CDC42SE2: variants seen among roughly 807,000 people sequenced by gnomAD.
CDC42SE2 encodes the protein CDC42 small effector protein 2.
Under a neutral mutation model 11.5 loss-of-function variants are expected in CDC42SE2, and 3 were observed. The ratio of observed to expected loss-of-function variants is 0.26; its 90% CI spans 0.12 to 0.67. The LOEUF is 0.67. Among genes scored for constraint, CDC42SE2 ranks in the 30% least tolerant of loss-of-function variants. The pLI is 0.80. For missense variants in CDC42SE2, 82 were observed against 106.8 expected (o/e 0.77, Z 1.02); for synonymous variants, 33 against 34.8 (o/e 0.95, Z 0.18).
intron 2 of CDC42SE2, among the ~76,000 whole-genome samples, chr5:131,326,998 C>G (rs1758313848): frequency 1.3e-5 from 2 of 152,100 alleles, no homozygotes; most frequent in South Asian, 4.1e-4. Flanking sequence ...TCATATTGCT[C>G]TGTCATTTTT....
At position 131,392,549 on chromosome 5, in the gene CDC42SE2, A is replaced by AAAG. The variant is rs765395436; in HGVS notation, c.*1461_*1463dup. 1.3e-5 allele frequency: 2 copies of AAAG among 152,308 alleles called. No homozygotes were observed. The highest frequency in any genetic ancestry group is 2.9e-5 in the Non-Finnish European group (2 of 68,028). 9.4% of individuals were successfully genotyped at this position (152,308 alleles called of 1,614,324 possible). On this transcript the variant is annotated 3_prime_UTR_variant, in exon 5 of 5. Coordinates refer to ENST00000505065, the MANE Select transcript of CDC42SE2 (RefSeq NM_001375635.1). ...TGATTGATTGATTAGAATTGCAATAAAAGAAAAGCTTGCATTCATAAGGCA... is the reference window on the plus strand; with the variant it reads ...TGATTGATTGATTAGAATTGCAATAAAAGAAGAAAAGCTTGCATTCATAAGGCA...
At chr5:131,368,730 T>A (rs1749932422) in intron 3 of CDC42SE2, among the ~76,000 whole-genome samples, 1 of 152,196 alleles carries the variant, frequency 6.6e-6, no homozygotes, top group Non-Finnish European at 1.5e-5. Flanking sequence ...ACTTTAATTC[T>A]TGTCTAATCT....
intron 1 of CDC42SE2, among the ~76,000 whole-genome samples, chr5:131,284,655 G>A (rs1757304985): frequency 6.6e-6 from 1 of 151,826 alleles, no homozygotes; most frequent in East Asian, 1.9e-4. Flanking sequence ...ATTTTTTTTG[G>A]TAGAGATAGG....
intron 2 of CDC42SE2, among the ~76,000 whole-genome samples, chr5:131,333,181 C>T (rs949975854): frequency 1.3e-5 from 2 of 152,102 alleles, no homozygotes; most frequent in African/African-American, 4.8e-5. Context: ...CAGCTTTCTA[C>T]GTATGGGTAG....
At chr5:131,319,342 C>T (rs548604588) in intron 2 of CDC42SE2, among the ~76,000 whole-genome samples, 2 of 152,194 alleles carry the variant, frequency 1.3e-5, no homozygotes, top group East Asian at 1.9e-4. Flanking sequence ...GTTTTCTTAC[C>T]CTAGGGCCAT....
At chr5:131,334,512 A>G (rs565270399) in intron 2 of CDC42SE2, among the ~76,000 whole-genome samples, 12 of 151,920 alleles carry the variant, frequency 7.9e-5, no homozygotes, top group East Asian at 3.9e-4. Flanking sequence ...CTCTTTTTCT[A>G]TTGATTGGAA....
chr5:131,290,984 A>G (rs1757446795), intron 1 of CDC42SE2, among the ~76,000 whole-genome samples: 1 of 152,194 alleles, frequency 6.6e-6, no homozygotes, highest in African/African-American at 2.4e-5. Flanking sequence ...CCTTAAAAAT[A>G]CTAGGAGAAA....
At chr5:131,276,902 A>AT (rs1438453612) in intron 1 of CDC42SE2, among the ~76,000 whole-genome samples, 90 of 149,726 alleles carry the variant, frequency 6.0e-4, no homozygotes, top group Middle Eastern at 3.4e-3. Flanking sequence ...TAATTTTTTT[A>AT]TTTTTTTTTG....
At chr5:131,385,846 G>C (rs1750465345) in intron 4 of CDC42SE2, among the ~76,000 whole-genome samples, 1 of 152,168 alleles carries the variant, frequency 6.6e-6, no homozygotes, top group African/African-American at 2.4e-5. Context: ...TTAGGTATTT[G>C]TTTCTGTTTC....
At chr5:131,387,013 G>T (rs1259522179) in intron 4 of CDC42SE2, among the ~76,000 whole-genome samples, 3 of 152,202 alleles carry the variant, frequency 2.0e-5, no homozygotes, top group African/African-American at 7.2e-5. Context: ...CGTAGGAAAA[G>T]TACTTTGTTT....
At chr5:131,284,965 G>A (rs941070476) in intron 1 of CDC42SE2, among the ~76,000 whole-genome samples, 14 of 151,768 alleles carry the variant, frequency 9.2e-5, no homozygotes, top group Non-Finnish European at 1.5e-5. Flanking sequence ...GTCTAGCCTG[G>A]ACAACATAAT....
intron 1 of CDC42SE2, among the ~76,000 whole-genome samples, chr5:131,299,719 T>C (rs571127446): frequency 5.3e-5 from 8 of 152,256 alleles, no homozygotes; most frequent in Non-Finnish European, 1.0e-4. Flanking sequence ...AAATGTAGAT[T>C]TGGCGATCAG....
intron 1 of CDC42SE2, among the ~76,000 whole-genome samples, chr5:131,303,940 A>G (rs376476979): frequency 1.9e-4 from 29 of 151,914 alleles, no homozygotes; most frequent in African/African-American, 7.0e-4. Context: ...TGGAGTGTAC[A>G]CTTTGGCTTC....
upstream of CDC42SE2, among the ~76,000 whole-genome samples, chr5:131,263,005 T>G (rs1221090014): frequency 3.3e-5 from 5 of 150,992 alleles, no homozygotes; most frequent in African/African-American, 1.2e-4. Flanking sequence ...CAAGCTGGAG[T>G]GCAGTGGCCT....
chr5:131,268,268 C>T (rs1452553747), intron 1 of CDC42SE2, among the ~76,000 whole-genome samples: 1 of 151,342 alleles, frequency 6.6e-6, no homozygotes, highest in Non-Finnish European at 1.5e-5. Context: ...TCTCCATGGT[C>T]ATCAGGCTGA....
At chr5:131,319,935 C>T (rs1758125613) in intron 2 of CDC42SE2, among the ~76,000 whole-genome samples, 1 of 151,000 alleles carries the variant, frequency 6.6e-6, no homozygotes. Flanking sequence ...CCTGTAGTTC[C>T]AGCTACTCGG....
At position 131,388,706 on chromosome 5, in the gene CDC42SE2, GTTAC is replaced by G. The variant is rs1049477391; in HGVS notation, c.157-2283_157-2280del. 1.1e-3 allele frequency among the ~76,000 whole-genome samples: 172 copies of G among 152,244 alleles called. 1 individual carries two copies. The highest frequency in any genetic ancestry group is 3.7e-3 in the African/African-American group (152 of 41,534). On this transcript the variant is annotated intron_variant, in intron 4 of 4. Coordinates refer to ENST00000505065, the MANE Select transcript of CDC42SE2 (RefSeq NM_001375635.1). ...CAACACTGAAAGATTACTTATTAAA[GTTAC>G]TTAATAAAGGTTACTTAAGATAAAC...
At chr5:131,218,877 G>A in the CDC42SE2 span, among the ~76,000 whole-genome samples, 1 of 152,098 alleles carries the variant, frequency 6.6e-6, no homozygotes, top group African/African-American at 2.4e-5. Flanking sequence ...TTGGTTGTGT[G>A]CTTATGATTT....
the CDC42SE2 span, among the ~76,000 whole-genome samples, chr5:131,221,588 A>G: frequency 6.6e-6 from 1 of 152,040 alleles, no homozygotes; most frequent in African/African-American, 2.4e-5. Context: ...GTGTGAGCAC[A>G]TTACCAGTGA....
Sources: allele counts gnomAD v4.1 joint callset (sites outside exome capture counted in the v4.1 genomes callset), GRCh38; gene constraint gnomAD v4.1.1; transcripts MANE v1.5; gene names NCBI Gene and HGNC (gene_info 2026-07-23, HGNC 2026-07-21).